The following PREX2 variants were observed in gnomAD, a reference collection of about 807,000 sequenced individuals.
The protein encoded by PREX2 is phosphatidylinositol 3,4,5-trisphosphate-dependent Rac exchanger 2 protein.
A neutral mutation model predicts 203.2 loss-of-function variants in PREX2; 107 were observed. The ratio of observed to expected loss-of-function variants is 0.53; its 90% CI spans 0.45 to 0.62. PREX2 has a LOEUF of 0.62. PREX2 is among the 20% of genes least tolerant of loss of function. PREX2 has a pLI of 0.00. For synonymous variants in PREX2, 672 were observed against 663.6 expected (o/e 1.01, Z -0.19); for missense variants, 1,777 against 1,955.9 (o/e 0.91, Z 1.72).
intron 35 of PREX2, among the ~76,000 whole-genome samples, chr8:68,172,434 T>C (rs536099378): frequency 1.3e-5 from 2 of 152,330 alleles, no homozygotes; most frequent in South Asian, 2.1e-4. Flanking sequence ...AAGAGTTAAA[T>C]TGCTGCTTGC....
At chr8:68,085,840 G>C (rs1172971244) in intron 18 of PREX2, among the ~76,000 whole-genome samples, 1 of 152,150 alleles carries the variant, frequency 6.6e-6, no homozygotes, top group African/African-American at 2.4e-5. Flanking sequence ...GAAAAGCCTT[G>C]CTCAGTAAGA....
chr8:68,205,521 C>T (rs966489036), intron 37 of PREX2, among the ~76,000 whole-genome samples: 19 of 152,176 alleles, frequency 1.2e-4, no homozygotes, highest in African/African-American at 4.6e-4. Context: ...CAGTCTCTGC[C>T]TATGTAGAAC....
At chr8:67,955,092 C>T (rs537656120) in intron 1 of PREX2, among the ~76,000 whole-genome samples, 3 of 137,524 alleles carry the variant, frequency 2.2e-5, no homozygotes, top group East Asian at 4.4e-4. Context: ...TGCAGTGAGC[C>T]GAGATAATGC....
chr8:68,039,117 G>A (rs1355176437), intron 7 of PREX2, among the ~76,000 whole-genome samples: 1 of 152,086 alleles, frequency 6.6e-6, no homozygotes, highest in East Asian at 1.9e-4. Context: ...CCTTTATCTT[G>A]TGTCACACTG....
At chr8:67,982,368 G>T (rs1806298994) in intron 1 of PREX2, among the ~76,000 whole-genome samples, 1 of 152,122 alleles carries the variant, frequency 6.6e-6, no homozygotes, top group Non-Finnish European at 1.5e-5. Context: ...ACTGCAGTGA[G>T]CTATGATCCA....
At chr8:68,181,051 A>G (rs963858993) in intron 35 of PREX2, among the ~76,000 whole-genome samples, 5 of 152,028 alleles carry the variant, frequency 3.3e-5, no homozygotes, top group African/African-American at 4.8e-5. Context: ...TTTGTCTTTA[A>G]ATTATTTACT....
chr8:68,134,787 G>A (rs1235736424), intron 32 of PREX2, among the ~76,000 whole-genome samples: 2 of 152,174 alleles, frequency 1.3e-5, no homozygotes, highest in Non-Finnish European at 2.9e-5. Flanking sequence ...CTGTTAAATC[G>A]AAGAGCATTG....
intron 39 of PREX2, among the ~76,000 whole-genome samples, chr8:68,228,541 T>C (rs1406629776): frequency 6.6e-6 from 1 of 151,972 alleles, no homozygotes; most frequent in African/African-American, 2.4e-5. Flanking sequence ...GGCAGGCGGA[T>C]CATGCGGTCA....
chr8:68,203,905 G>GTAT (rs972136448), intron 37 of PREX2, among the ~76,000 whole-genome samples: 2 of 152,118 alleles, frequency 1.3e-5, no homozygotes, highest in African/African-American at 4.8e-5. Flanking sequence ...TCTCTTTAAA[G>GTAT]TATTTATGTC....
In PREX2 at chr8:68,044,537, G is replaced by A. The variant is rs199819614; in HGVS notation, c.890G>A (p.Arg297His). The A allele has an allele frequency of 1.7e-5, 27 of 1,612,750 alleles. No individual in the cohort carries two copies. Among genetic ancestry groups the A allele is most frequent in the Admixed American group, 3.3e-5 (2 of 59,922 alleles). Residue 297 changes from arginine (R) to histidine (H), a missense_variant, in exon 8 of 40, where the codon CGT becomes CAT. Coordinates refer to ENST00000288368, the MANE Select transcript of PREX2 (RefSeq NM_024870.4). Reference protein sequence around the residue: ...ASTDGHRYLFRGRINTEVMEV... With the variant: ...ASTDGHRYLFHGRINTEVMEV... ...ACAGATGGACATCGGTACCTTTTTC[G>A]TGGCCGGATCAACACGGAGGTGATG...
At chr8:68,046,078 C>T (rs1808343057) in intron 8 of PREX2, among the ~76,000 whole-genome samples, 2 of 152,054 alleles carry the variant, frequency 1.3e-5, no homozygotes, top group Admixed American at 6.6e-5. Flanking sequence ...GACCTGATTA[C>T]CCATAATGGG....
At chr8:68,137,150 C>T (rs910588477) in intron 32 of PREX2, among the ~76,000 whole-genome samples, 11 of 152,176 alleles carry the variant, frequency 7.2e-5, no homozygotes, top group African/African-American at 2.7e-4. Flanking sequence ...AGGTGATCCA[C>T]CCATCTCAGC....
At chr8:68,199,486 A>T (rs1360603030) in intron 37 of PREX2, among the ~76,000 whole-genome samples, 3 of 152,244 alleles carry the variant, frequency 2.0e-5, no homozygotes, top group African/African-American at 7.2e-5. Flanking sequence ...CCACTAACAG[A>T]AACTAATGTA....
chr8:67,976,821 G>C (rs1036472490), intron 1 of PREX2, among the ~76,000 whole-genome samples: 2 of 131,438 alleles, frequency 1.5e-5, no homozygotes, highest in African/African-American at 5.3e-5. Context: ...GAGTGAGACA[G>C]AGAGAGAGAA....
Position 67,999,478 on chromosome 8 carries a change from C to CAAAAAAAAAAAA in PREX2, c.142-18362_142-18351dup, listed in dbSNP as rs58916146. 1.2e-4 allele frequency among the ~76,000 whole-genome samples: 11 copies of CAAAAAAAAAAAA among 92,082 alleles called. 1 individual carries two copies. Among genetic ancestry groups the CAAAAAAAAAAAA allele is most frequent in the Non-Finnish European group, 1.7e-4 (8 of 46,522 alleles). 60.4% of individuals were successfully genotyped at this position (92,082 alleles called of 152,430 possible). On this transcript the variant is annotated intron_variant, in intron 1 of 39. Transcript: ENST00000288368. ...AATCAGTAATAAATAGCCAACAAAC[C>CAAAAAAAAAAAA]AAAAAAAAAAAAAAAAAGCCCAGAA...
rs200020354 is a variant in PREX2, at chr8:68,224,581, C to A, written c.4730C>A (p.Ala1577Glu). 8 of 1,613,708 alleles carry A rather than the reference C, an allele frequency of 5.0e-6. No individual in the cohort carries two copies. Among genetic ancestry groups the A allele is most frequent in the Middle Eastern group, 1.6e-4 (1 of 6,062 alleles). Residue 1577 changes from alanine to glutamate, a missense_variant, in exon 39 of 40, where the codon GCG (alanine) becomes GAG (glutamate). Transcript: ENST00000288368. ...CAGGGAGCAAGAGTTCAGAACACAG[C>A]GAAGAATTTGGGAGTCAGAGACCGG... is the stretch of plus-strand genomic sequence containing the variant. ...RKQGARVQNT[A>E]KNLGVRDRTP...
chr8:68,144,484 C>T (rs1811288003), intron 33 of PREX2, among the ~76,000 whole-genome samples: 1 of 151,862 alleles, frequency 6.6e-6, no homozygotes, highest in African/African-American at 2.4e-5. Flanking sequence ...TTTCAAATTC[C>T]ACTTGTTCAC....
chr8:68,175,271 G>T (rs565570725), intron 35 of PREX2, among the ~76,000 whole-genome samples: 77 of 152,236 alleles, frequency 5.1e-4, no homozygotes, highest in African/African-American at 1.6e-3. Context: ...GTGGGAAGGG[G>T]CTGAAAGTGA....
At chr8:68,078,248 C>G (rs1809406746) in intron 15 of PREX2, among the ~76,000 whole-genome samples, 1 of 152,164 alleles carries the variant, frequency 6.6e-6, no homozygotes, top group African/African-American at 2.4e-5. Context: ...TCACCACAAC[C>G]TTTGCCTCGT....
Sources: allele counts gnomAD v4.1 joint callset (sites outside exome capture counted in the v4.1 genomes callset), GRCh38; gene constraint gnomAD v4.1.1; transcripts MANE v1.5; gene names NCBI Gene and HGNC (gene_info 2026-07-23, HGNC 2026-07-21).